CIITA: variants seen among roughly 807,000 people sequenced by gnomAD.
CIITA encodes class II major histocompatibility complex transactivator, also known as MHC class II transactivator.
In CIITA, 72 loss-of-function variants were observed where a neutral mutation model predicts 115.1. That is an observed-to-expected ratio of 0.63 (90% CI 0.52 to 0.76). The LOEUF (loss-of-function observed/expected upper bound fraction) is 0.76. CIITA is among the 30% of genes least tolerant of loss of function. The pLI is 0.00. For synonymous variants in CIITA, 763 were observed against 635.6 expected, an observed-to-expected ratio of 1.20 and a Z score of -3.02; for missense variants, 1,617 against 1,463.8, an observed-to-expected ratio of 1.10 and a Z score of -1.71.
chr16:10,890,694 G>A (rs1461324439), intron 1 of CIITA, among the ~76,000 whole-genome samples: 2 of 152,196 alleles, frequency 1.3e-5, no homozygotes, highest in Non-Finnish European at 2.9e-5. Context: ...GGAAGGGAAA[G>A]GGTCCCTTTG....
Position 10,907,385 on chromosome 16 carries a change from C to T in CIITA, c.1893C>T (p.Ala631=). The T allele has an allele frequency of 6.2e-7, 1 of 1,613,362 alleles. No individual in the cohort carries two copies. The highest frequency in any genetic ancestry group is 8.5e-7 in the Non-Finnish European group (1 of 1,179,970). ...CCCTGCTGGAGCTTGGGGAGGACGC[C>T]AAGCTGCCCTCCACGCTCACGGGAC... ...SEALLELGED[A]KLPSTLTGLY... The change falls in exon 11 of 20, where the codon GCC becomes GCT. Residue 631 remains alanine (A), a synonymous_variant. Coordinates refer to ENST00000324288, the MANE Select transcript of CIITA (RefSeq NM_000246.4). The surrounding 1 kb of genome is among the most constrained non-coding windows in gnomAD (Gnocchi z 5.0).
intron 14 of CIITA, 51 bp downstream of exon 14, chr16:10,915,701 G>T: frequency 1.3e-6 from 2 of 1,482,650 alleles, no homozygotes; most frequent in Non-Finnish European, 1.9e-6. Flanking sequence ...GTGCAGTGCT[G>T]TGATCATAGC....
intron 10 of CIITA, 80 bp downstream of exon 10, chr16:10,904,892 C>T: frequency 2.1e-6 from 3 of 1,416,530 alleles, no homozygotes; most frequent in Admixed American, 1.7e-5. Flanking sequence ...ATTCACTTGA[C>T]ACTTATTCAA....
intron 1 of CIITA, chr16:10,866,638 C>A (rs891559811): frequency 3.2e-5 from 13 of 409,136 alleles, no homozygotes; most frequent in African/African-American, 2.7e-4. Flanking sequence ...GATTTTCCCT[C>A]CTCTCTGAAA....
upstream of CIITA, among the ~76,000 whole-genome samples, chr16:10,876,703 C>T (rs181505603): frequency 6.6e-6 from 1 of 152,310 alleles, no homozygotes; most frequent in East Asian, 1.9e-4. Context: ...ATGTTTTAGT[C>T]CAATGTCTTG....
intron 1 of CIITA, among the ~76,000 whole-genome samples, chr16:10,894,446 A>G (rs2037918957): frequency 6.6e-6 from 1 of 152,100 alleles, no homozygotes; most frequent in Non-Finnish European, 1.5e-5. Context: ...TTGTGTGGAT[A>G]TATCTGGTTT....
rs963340548 is a variant in CIITA, at chr16:10,942,100, G to T, written n.1226G>T. 6 of 1,046,962 alleles carry T rather than the reference G, an allele frequency of 5.7e-6. No individual in the cohort carries two copies. The highest frequency in any genetic ancestry group is 3.4e-4 in the Middle Eastern group (1 of 2,948). The allele number at this position is 1,046,962 out of a possible 1,614,324, so 64.9% of individuals were successfully genotyped here. ...GCGAGGGCACAGCGCAGCCATCCAGGGGTACCCTGGAGCCCGACAGAAGCA... is the reference window on the plus strand; with the variant it reads ...GCGAGGGCACAGCGCAGCCATCCAGTGGTACCCTGGAGCCCGACAGAAGCA... On this transcript the variant is annotated non_coding_transcript_exon_variant, in exon 2 of 2. Coordinates refer to the CIITA transcript ENST00000573379. This position sits in a 1 kb window ranked among gnomAD's most constrained non-coding sequence, Gnocchi z 5.0.
chr16:10,914,351 C>T (rs2039802778), intron 13 of CIITA, among the ~76,000 whole-genome samples: 1 of 152,160 alleles, frequency 6.6e-6, no homozygotes, highest in Admixed American at 6.5e-5. Context: ...TTGCTGAGGC[C>T]AGTGTTCTCA....
At chr16:10,919,594 G>A (rs2040164073) in intron 16 of CIITA, among the ~76,000 whole-genome samples, 2 of 152,162 alleles carry the variant, frequency 1.3e-5, no homozygotes, top group African/African-American at 2.4e-5. Context: ...CTACAGCCTC[G>A]ACTACCTGGA....
chr16:10,903,661 G>C, intron 8 of CIITA, 70 bp from the exon 9 acceptor site: 2 of 1,552,034 alleles, frequency 1.3e-6, no homozygotes, highest in Non-Finnish European at 1.8e-6. Context: ...GTTTGGAGTA[G>C]GGGTGACCCA....
chr16:10,896,873 A>G (rs189978503), intron 3 of CIITA, among the ~76,000 whole-genome samples: 1 of 152,336 alleles, frequency 6.6e-6, no homozygotes, highest in Admixed American at 6.5e-5. Context: ...GGGGACTAGT[A>G]ATTGTTCATG....
intron 5 of CIITA, among the ~76,000 whole-genome samples, chr16:10,900,021 C>T (rs948880181): frequency 4.6e-5 from 7 of 152,118 alleles, no homozygotes; most frequent in Non-Finnish European, 1.5e-5. Flanking sequence ...GTGGAGGTTG[C>T]AGTGAGCTAA....
At chr16:10,889,804 T>G (rs1255348388) in intron 1 of CIITA, among the ~76,000 whole-genome samples, 1 of 152,120 alleles carries the variant, frequency 6.6e-6, no homozygotes, top group Non-Finnish European at 1.5e-5. Context: ...AAGGCAATCT[T>G]CATTCTCCAG....
rs1161418979 is a variant in CIITA at position 10,901,331 on chromosome 16, G to C, written c.437-183G>C. Among the ~76,000 whole-genome samples the C allele has an allele frequency of 6.6e-6, 1 of 152,138 alleles. No homozygotes were observed. Among genetic ancestry groups the C allele is most frequent in the Non-Finnish European group, 1.5e-5 (1 of 68,018 alleles). ...TGCTACACTGCCTGGTATGGTTTGAGATGGGGTTTGGGTTCAAGCCAAGGA... is the reference window on the plus strand; with the variant it reads ...TGCTACACTGCCTGGTATGGTTTGACATGGGGTTTGGGTTCAAGCCAAGGA... On this transcript the variant is annotated intron_variant, in intron 5 of 19. Transcript: ENST00000324288. This position sits in a 1 kb window ranked among gnomAD's most constrained non-coding sequence, Gnocchi z 6.8.
upstream of CIITA, among the ~76,000 whole-genome samples, chr16:10,873,848 GCAC>G: frequency 6.6e-6 from 1 of 152,278 alleles, no homozygotes; most frequent in East Asian, 1.9e-4. Context: ...GGCTTCAGCA[GCAC>G]CTCTCCTGAC....
At chr16:10,866,230 C>T, upstream of CIITA, 1 of 475,580 alleles carries the variant, frequency 2.1e-6, no homozygotes, top group South Asian at 1.7e-5. Context: ...ATGCTGCATG[C>T]TGGGTGAGCG....
At chr16:10,876,770 G>A (rs2071170), upstream of CIITA, among the ~76,000 whole-genome samples, 3 of 152,190 alleles carry the variant, frequency 2.0e-5, no homozygotes, top group Admixed American at 1.3e-4. Context: ...GGGCAATTTG[G>A]TGTGGGAGTA....
intron 1 of CIITA, among the ~76,000 whole-genome samples, chr16:10,889,173 G>A (rs571531286): frequency 2.0e-5 from 3 of 151,616 alleles, no homozygotes; most frequent in Non-Finnish European, 2.9e-5. Flanking sequence ...CTCCTGCCAC[G>A]GGATGATCAG....
chr16:10,866,886 T>C (rs1274621233), intron 1 of CIITA, among the ~76,000 whole-genome samples: 1 of 152,224 alleles, frequency 6.6e-6, no homozygotes, highest in African/African-American at 2.4e-5. Context: ...GATCAGCTCC[T>C]GCCTTCAAAG....
Sources: allele counts gnomAD v4.1 joint callset (sites outside exome capture counted in the v4.1 genomes callset), GRCh38; gene constraint gnomAD v4.1.1; non-coding constraint Gnocchi (gnomAD v3.1); transcripts MANE v1.5; gene names NCBI Gene and HGNC (gene_info 2026-07-23, HGNC 2026-07-21).